The following AGFG1 variants were observed in gnomAD, a reference collection of about 807,000 sequenced individuals.
AGFG1 encodes arf-GAP domain and FG repeat-containing protein 1.
A neutral mutation model predicts 60.6 loss-of-function variants in AGFG1; 10 were observed. The observed-to-expected ratio is 0.16, with a 90% confidence interval of 0.10 to 0.28. AGFG1 has a LOEUF of 0.28. Ranked by LOEUF, AGFG1 falls within the 10% of genes least tolerant of loss-of-function variation. The pLI, the probability that AGFG1 is intolerant of heterozygous loss-of-function variation, is 1.00. For synonymous variants in AGFG1, 247 were observed against 242.9 expected, an observed-to-expected ratio of 1.02 and a Z score of -0.16; for missense variants, 537 against 676.5, an observed-to-expected ratio of 0.79 and a Z score of 2.29.
intron 2 of AGFG1, among the ~76,000 whole-genome samples, chr2:227,518,398 A>G (rs1426577919): frequency 6.6e-6 from 1 of 152,030 alleles, no homozygotes; most frequent in Admixed American, 6.6e-5. Flanking sequence ...TGCTTACACC[A>G]TTTTACATTC....
At chr2:227,481,656 C>T (rs947489310) in intron 1 of AGFG1, among the ~76,000 whole-genome samples, 17 of 152,042 alleles carry the variant, frequency 1.1e-4, no homozygotes, top group Non-Finnish European at 1.6e-4. Context: ...TGTTCTCTGA[C>T]GCTCTGTTTA....
At chr2:227,538,811 A>G (rs148476720) in intron 10 of AGFG1, among the ~76,000 whole-genome samples, 187 of 152,304 alleles carry the variant, frequency 1.2e-3, no homozygotes, top group African/African-American at 4.4e-3. Context: ...TCTACATAGG[A>G]TATAAAATAA....
intron 1 of AGFG1, among the ~76,000 whole-genome samples, chr2:227,488,553 AAGG>A (rs1159416674): frequency 6.6e-6 from 1 of 152,236 alleles, no homozygotes; most frequent in Non-Finnish European, 1.5e-5. Context: ...TGTCTGGAAC[AAGG>A]AGGAGATATT....
chr2:227,559,725 G>A lies in AGFG1; in HGVS notation c.*5230G>A. On this transcript the variant is annotated 3_prime_UTR_variant, in exon 13 of 13. Coordinates refer to ENST00000310078, the MANE Select transcript of AGFG1 (RefSeq NM_004504.5). ...GTAAAATTTGAATTCTAAATTCTCAGCATCTTCCCTCATTCTTGAGTGGAG... is the reference window on the plus strand; with the variant it reads ...GTAAAATTTGAATTCTAAATTCTCAACATCTTCCCTCATTCTTGAGTGGAG... The A allele has an allele frequency of 6.6e-6, 1 of 152,090 alleles. No individual in the cohort carries two copies. The allele number at this position is 152,090 out of a possible 1,614,324, so 9.4% of individuals were successfully genotyped here.
chr2:227,512,680 A>G (rs1162915206), intron 2 of AGFG1, among the ~76,000 whole-genome samples: 5 of 152,056 alleles, frequency 3.3e-5, no homozygotes, highest in African/African-American at 1.2e-4. Context: ...GTTAATATTT[A>G]TTTTTGTTCA....
At chr2:227,553,604 G>A (rs1482833243) in intron 11 of AGFG1, 100 bp from the exon 12 acceptor site, 1 of 940,006 alleles carries the variant, frequency 1.1e-6, no homozygotes, top group East Asian at 2.5e-5. Flanking sequence ...TATTTTTGCT[G>A]CTCTGGTAGG....
At chr2:227,491,963 A>G (rs907032023) in intron 2 of AGFG1, among the ~76,000 whole-genome samples, 2 of 152,150 alleles carry the variant, frequency 1.3e-5, no homozygotes, top group African/African-American at 4.8e-5. Context: ...GAGGAAGAGA[A>G]TTCATTTTGT....
intron 1 of AGFG1, among the ~76,000 whole-genome samples, chr2:227,484,898 TG>T (rs1196387686): frequency 1.3e-5 from 2 of 151,636 alleles, no homozygotes; most frequent in African/African-American, 4.8e-5. Context: ...TTAGTAGAGA[TG>T]GGGTTTCACC....
chr2:227,498,945 A>G (rs1447403702), intron 2 of AGFG1, among the ~76,000 whole-genome samples: 1 of 152,244 alleles, frequency 6.6e-6, no homozygotes, highest in Admixed American at 6.5e-5. Flanking sequence ...TTAAAACAAT[A>G]TAAATCATTA....
At chr2:227,526,539 CTTTTTTTTTTTT>C (rs777649930) in intron 5 of AGFG1, among the ~76,000 whole-genome samples, 1 of 92,482 alleles carries the variant, frequency 1.1e-5, no homozygotes, top group African/African-American at 4.4e-5. Context: ...TGCCCAGCCT[CTTTTTTTTTTTT>C]TTTTTTTTTG....
chr2:227,519,898 T>G, intron 2 of AGFG1, 50 bp from the exon 3 acceptor site: 1 of 1,110,258 alleles, frequency 9.0e-7, no homozygotes. Context: ...TAAAATTTCA[T>G]TAAGTGAAGA....
At chr2:227,495,407 G>A (rs561617743) in intron 2 of AGFG1, among the ~76,000 whole-genome samples, 3 of 151,862 alleles carry the variant, frequency 2.0e-5, no homozygotes, top group South Asian at 2.1e-4. Flanking sequence ...TTAGCCAGGC[G>A]TGGTGGTACA....
chr2:227,522,052 G>A (rs1329807459), intron 3 of AGFG1, among the ~76,000 whole-genome samples: 1 of 152,196 alleles, frequency 6.6e-6, no homozygotes, highest in African/African-American at 2.4e-5. Context: ...CTATCCAGAT[G>A]CAGCATCTCT....
chr2:227,501,281 A>G (rs1691147564), intron 2 of AGFG1, among the ~76,000 whole-genome samples: 1 of 152,110 alleles, frequency 6.6e-6, no homozygotes, highest in African/African-American at 2.4e-5. Context: ...GGGTTTTGCC[A>G]TGTTGGCCAG....
rs753257398 is a variant in AGFG1 at position 227,552,069 on chromosome 2, G to C, written c.1489G>C (p.Ala497Pro). The change falls in exon 11 of 13, where the codon GCC (alanine) becomes CCC (proline). Residue 497 changes from alanine to proline, a missense_variant. By Grantham distance (27) the Ala-to-Pro change is conservative. Around this residue, in one of 4 missense-constraint regions of AGFG1, gnomAD observed 287 missense variants for 343.6 expected, o/e 0.84. Coordinates refer to ENST00000310078, the MANE Select transcript of AGFG1 (RefSeq NM_004504.5). ...SGSFQQPAFP[A>P]QAAFPQQTAF... is the part of the protein sequence containing the mutation. Reference sequence around the variant, plus strand: ...CAGCTTTCAGCAGCCTGCCTTTCCAGCCCAAGCAGCTTTCCCTCAACAGAC... The same window carrying C: ...CAGCTTTCAGCAGCCTGCCTTTCCACCCCAAGCAGCTTTCCCTCAACAGAC... 6.2e-6 allele frequency: 10 copies of C among 1,614,008 alleles called. No individual in the cohort carries two copies. In the East Asian group the frequency reaches 2.2e-4, roughly 36 times the overall value.
At position 227,477,588 on chromosome 2, in the gene AGFG1, G is replaced by GA. The variant is rs1690323175; in HGVS notation, c.167+5006dup. Among the ~76,000 whole-genome samples, 6 of 152,036 alleles carry GA rather than the reference G, an allele frequency of 3.9e-5. No homozygotes were observed. In the South Asian group the frequency reaches 1.2e-3, roughly 32 times the overall value. ...TTACTTCATTGTGTTTCAAATGGCA[G>GA]AAAAAAGACTTTTTCTTTTTTTTGT... On this transcript the variant is annotated intron_variant, in intron 1 of 12. Transcript: ENST00000310078.
chr2:227,506,297 G>A (rs1045019233), intron 2 of AGFG1, among the ~76,000 whole-genome samples: 6 of 152,122 alleles, frequency 3.9e-5, no homozygotes, highest in African/African-American at 1.4e-4. Flanking sequence ...AATCTGCTCA[G>A]TTCTTTAATT....
intron 10 of AGFG1, among the ~76,000 whole-genome samples, chr2:227,540,163 A>AT (rs971562812): frequency 1.4e-5 from 2 of 144,324 alleles, no homozygotes; most frequent in African/African-American, 5.1e-5. Context: ...TTAAATAATC[A>AT]TTTTTTCTGG....
At position 227,555,673 on chromosome 2, in the gene AGFG1, GATA is replaced by G. The variant is rs1403179584; in HGVS notation, c.*1183_*1185del. ...CGGAATACTTTGTTTTAAAGGAAAA[GATA>G]ATAAGTTTAGTTATATCTTTTTGTT... On this transcript the variant is annotated 3_prime_UTR_variant, in exon 13 of 13. Transcript: ENST00000310078. The G allele has an allele frequency of 1.3e-5, 2 of 152,536 alleles. No individual in the cohort carries two copies. The highest frequency in any genetic ancestry group is 2.4e-5 in the African/African-American group (1 of 41,416). 9.4% of individuals were successfully genotyped at this position (152,536 alleles called of 1,614,324 possible).
Sources: allele counts gnomAD v4.1 joint callset (sites outside exome capture counted in the v4.1 genomes callset), GRCh38; gene constraint gnomAD v4.1.1; regional missense constraint gnomAD v4.1.1; transcripts MANE v1.5; gene names NCBI Gene and HGNC (gene_info 2026-07-23, HGNC 2026-07-21).